Variants in LDB2 observed in about 807,000 individuals in gnomAD.
The protein encoded by LDB2 is LIM domain binding 2.
LDB2 carries 12 observed loss-of-function variants against 44.3 expected under a neutral mutation model. That is an observed-to-expected ratio of 0.27 (90% CI 0.17 to 0.44). LDB2 has a LOEUF of 0.44. LDB2 is among the 20% of genes least tolerant of loss of function. The pLI is 1.00. For synonymous variants in LDB2, 164 were observed against 174.8 expected (o/e 0.94, Z 0.49); for missense variants, 344 against 473.5 (o/e 0.73, Z 2.54).
intron 1 of LDB2, among the ~76,000 whole-genome samples, chr4:16,830,560 G>T (rs1229836617): frequency 1.3e-5 from 2 of 152,184 alleles, no homozygotes; most frequent in East Asian, 3.8e-4. Flanking sequence ...AATTCCCAAG[G>T]CATGTCAGAC....
intron 5 of LDB2, among the ~76,000 whole-genome samples, chr4:16,583,586 TAGA>T (rs1329836567): frequency 6.6e-6 from 1 of 152,232 alleles, no homozygotes; most frequent in Non-Finnish European, 1.5e-5. Flanking sequence ...ATAAGGCTAC[TAGA>T]AGAATCTTAA....
rs193202821 is a variant in LDB2, at chr4:16,620,090, C to T, written c.236-24215G>A. The stretch of plus-strand genomic sequence containing the variant: ...AGAGTTGGGATAAAATTTTCTGCTA[C>T]ATGTCTCTAGCCTCCTGTTGTCCAA... On this transcript the variant is annotated intron_variant, in intron 2 of 7. Transcript: ENST00000304523. Among the ~76,000 whole-genome samples, 57 of 152,268 alleles carry T rather than the reference C, an allele frequency of 3.7e-4. 1 individual carries two copies. Among genetic ancestry groups the T allele is most frequent in the Middle Eastern group, 6.8e-3 (2 of 294 alleles).
At chr4:16,704,022 CA>C (rs1328872180) in intron 2 of LDB2, among the ~76,000 whole-genome samples, 1 of 152,118 alleles carries the variant, frequency 6.6e-6, no homozygotes, top group Non-Finnish European at 1.5e-5. Flanking sequence ...CTCTTTTCCC[CA>C]ACTGGGTGAC....
rs368081317 is a variant in LDB2, at chr4:16,556,083, G to A, written c.615+29839C>T. 5.9e-5 allele frequency among the ~76,000 whole-genome samples: 9 copies of A among 152,306 alleles called. No individual in the cohort carries two copies. In the East Asian group the frequency reaches 1.5e-3, roughly 26 times the overall value. ...AAACAGTCCAACTATCACCTTCTCA[G>A]AGAAGCCTTCTGAGATTTCTCCCAG... On this transcript the variant is annotated intron_variant, in intron 5 of 7. Transcript: ENST00000304523.
intron 2 of LDB2, among the ~76,000 whole-genome samples, chr4:16,734,559 TC>T: frequency 6.6e-6 from 1 of 152,164 alleles, no homozygotes; most frequent in Admixed American, 6.5e-5. Context: ...TTCCCCCATT[TC>T]CCTTCCATCC....
At chr4:16,579,874 G>C (rs1361589902) in intron 5 of LDB2, among the ~76,000 whole-genome samples, 2 of 152,182 alleles carry the variant, frequency 1.3e-5, no homozygotes, top group Non-Finnish European at 2.9e-5. Flanking sequence ...TCAGAGTCTA[G>C]TTCAGGAGAC....
intron 1 of LDB2, among the ~76,000 whole-genome samples, chr4:16,766,463 CATATAT>C (rs1427409011): frequency 8.2e-6 from 1 of 122,064 alleles, no homozygotes; most frequent in African/African-American, 3.6e-5. Context: ...TATACACACA[CATATAT>C]GTGTGTGTGT....
intron 2 of LDB2, among the ~76,000 whole-genome samples, chr4:16,708,751 A>G (rs538992771): frequency 5.2e-4 from 79 of 152,268 alleles, no homozygotes; most frequent in African/African-American, 1.8e-3. Flanking sequence ...ACAAAGACCT[A>G]TAAGAACAGA....
chr4:16,717,187 A>AATAATAATGATGATG (rs56204510), intron 2 of LDB2, among the ~76,000 whole-genome samples: 7 of 146,886 alleles, frequency 4.8e-5, no homozygotes, highest in African/African-American at 1.5e-4. Flanking sequence ...TAATAATAAT[A>AATAATAATGATGATG]ATGATGATGA....
chr4:16,792,997 G>GC (rs763906483), intron 1 of LDB2, among the ~76,000 whole-genome samples: 1 of 152,252 alleles, frequency 6.6e-6, no homozygotes, highest in African/African-American at 2.4e-5. Context: ...AAGGAGCAGG[G>GC]CCCCAAAGAA....
In LDB2 at chr4:16,533,723, C is replaced by G. The variant is rs1003023251; in HGVS notation, c.616-21619G>C. 2.0e-5 allele frequency among the ~76,000 whole-genome samples: 3 copies of G among 152,152 alleles called. No individual in the cohort carries two copies. Among genetic ancestry groups the G allele is most frequent in the Non-Finnish European group, 4.4e-5 (3 of 68,036 alleles). ...ATGGTTGCTTATGTAAAAGACCTGC[C>G]CTCCAGTAAAATTCCATTTTGGGGT... is the stretch of plus-strand genomic sequence containing the variant. On this transcript the variant is annotated intron_variant, in intron 5 of 7. Coordinates refer to ENST00000304523, the MANE Select transcript of LDB2 (RefSeq NM_001290.5). The surrounding 1 kb of genome is among the most constrained non-coding windows in gnomAD (Gnocchi z 4.1).
At chr4:16,589,155 A>C (rs1718012895) in intron 3 of LDB2, among the ~76,000 whole-genome samples, 1 of 152,224 alleles carries the variant, frequency 6.6e-6, no homozygotes, top group Admixed American at 6.5e-5. Context: ...TGGGTCAAAA[A>C]GTTTTCCTCC....
At chr4:16,750,641 T>C (rs886469657) in intron 2 of LDB2, among the ~76,000 whole-genome samples, 2 of 152,212 alleles carry the variant, frequency 1.3e-5, no homozygotes, top group Admixed American at 6.5e-5. Flanking sequence ...GATTTCACAT[T>C]TGAACATGAA....
intron 1 of LDB2, among the ~76,000 whole-genome samples, chr4:16,879,006 T>C (rs1719252057): frequency 6.6e-6 from 1 of 152,216 alleles, no homozygotes. Flanking sequence ...AACTATACTT[T>C]AGTTAGTATG....
intron 5 of LDB2, among the ~76,000 whole-genome samples, chr4:16,557,183 G>T (rs1232654116): frequency 6.6e-6 from 1 of 152,166 alleles, no homozygotes; most frequent in Non-Finnish European, 1.5e-5. Flanking sequence ...TTCATCTGAG[G>T]TACCAGGTTC....
At chr4:16,559,759 A>G (rs914268785) in intron 5 of LDB2, among the ~76,000 whole-genome samples, 3 of 152,206 alleles carry the variant, frequency 2.0e-5, no homozygotes, top group Admixed American at 6.5e-5. Flanking sequence ...TCAACAGAAT[A>G]TACATGTTTT....
chr4:16,869,994 G>A (rs973968120), intron 1 of LDB2, among the ~76,000 whole-genome samples: 17 of 152,190 alleles, frequency 1.1e-4, no homozygotes, highest in African/African-American at 3.6e-4. Flanking sequence ...CTTTCAGCGT[G>A]ATGGTGACAT....
chr4:16,598,360 AAGG>A (rs1341126830), intron 2 of LDB2, among the ~76,000 whole-genome samples: 1 of 152,100 alleles, frequency 6.6e-6, no homozygotes, highest in Non-Finnish European at 1.5e-5. Flanking sequence ...AGGTCATGTG[AAGG>A]AGAACTGAGT....
At chr4:16,716,151 G>A (rs1358429388) in intron 2 of LDB2, among the ~76,000 whole-genome samples, 2 of 152,194 alleles carry the variant, frequency 1.3e-5, no homozygotes, top group Non-Finnish European at 2.9e-5. Flanking sequence ...TTAAAGGAAA[G>A]AAGGAACAAA....
Sources: gnomAD v4.1 joint callset for allele counts (sites outside exome capture counted in the v4.1 genomes callset) on GRCh38, gnomAD v4.1.1 for gene constraint, Gnocchi (gnomAD v3.1) non-coding constraint, MANE v1.5 for transcripts, NCBI Gene and HGNC (gene_info 2026-07-23, HGNC 2026-07-21) for gene names.